Variants in MYCBP2 observed in about 807,000 individuals in gnomAD.
The protein encoded by MYCBP2 is MYC binding protein 2.
In MYCBP2, 120 loss-of-function variants were observed where a neutral mutation model predicts 525.3. The observed-to-expected ratio is 0.23, with a 90% CI of 0.20 to 0.27. MYCBP2 has a LOEUF of 0.27. Among genes scored for constraint, MYCBP2 ranks in the 10% least tolerant of loss-of-function variants. MYCBP2 has a pLI of 1.00. For missense variants in MYCBP2, 4,149 were observed against 5,657.1 expected, an observed-to-expected ratio of 0.73 and a Z score of 8.55; for synonymous variants, 1,894 against 1,955.8, an observed-to-expected ratio of 0.97 and a Z score of 0.83.
At chr13:77,264,030 A>G in intron 8 of MYCBP2, 28 bp from the exon 9 acceptor site, 1 of 1,585,346 alleles carries the variant, frequency 6.3e-7, no homozygotes. Context: ...TATTTATATT[A>G]CAATACAAGC....
At chr13:77,261,454 C>G (rs1196721669) in intron 11 of MYCBP2, 79 bp from the exon 12 acceptor site, 1 of 997,964 alleles carries the variant, frequency 1.0e-6, no homozygotes, top group African/African-American at 1.7e-5. Flanking sequence ...AAAAAAAGGA[C>G]ATCAATATTT....
intron 3 of MYCBP2, among the ~76,000 whole-genome samples, chr13:77,282,217 CCTAG>C (rs2076264849): frequency 6.6e-6 from 1 of 152,030 alleles, no homozygotes; most frequent in East Asian, 1.9e-4. Context: ...TGCAAACCAG[CCTAG>C]CCAACATGGT....
At chr13:77,283,873 C>T (rs976998005) in intron 3 of MYCBP2, among the ~76,000 whole-genome samples, 7 of 152,122 alleles carry the variant, frequency 4.6e-5, no homozygotes, top group Admixed American at 1.3e-4. Flanking sequence ...ACTCCAGCCC[C>T]AGTGACAGAG....
At chr13:77,268,639 C>T (rs995600904) in intron 7 of MYCBP2, among the ~76,000 whole-genome samples, 10 of 151,976 alleles carry the variant, frequency 6.6e-5, no homozygotes, top group African/African-American at 1.2e-4. Context: ...ATTAGCTGGA[C>T]GTGGTGGTGG....
In MYCBP2 at chr13:77,161,892, AT is replaced by A. The variant is rs753242183; in HGVS notation, c.6597+13del. The A allele has an allele frequency of 6.3e-7, 1 of 1,598,288 alleles. No individual in the cohort carries two copies. The highest frequency in any genetic ancestry group is 8.6e-7 in the Non-Finnish European group (1 of 1,169,180). On this transcript the variant is annotated intron_variant, in intron 44 of 82. Coordinates refer to ENST00000544440, the MANE Select transcript of MYCBP2 (RefSeq NM_015057.5). ...AATGTACAAAGTTTATCCTTAAAAC[AT>A]TTGGGACAATACCTGCAATGCAGCC...
At chr13:77,195,079 AAG>A (rs1335331812) in intron 26 of MYCBP2, among the ~76,000 whole-genome samples, 1 of 152,160 alleles carries the variant, frequency 6.6e-6, no homozygotes, top group Non-Finnish European at 1.5e-5. Flanking sequence ...GGTGAATTGC[AAG>A]AGAGGCAGAT....
chr13:77,211,699 A>G (rs1485725744), intron 22 of MYCBP2, among the ~76,000 whole-genome samples: 2 of 152,218 alleles, frequency 1.3e-5, no homozygotes, highest in African/African-American at 2.4e-5. Context: ...TATGGATTTT[A>G]TCCTACTAGA....
intron 17 of MYCBP2, among the ~76,000 whole-genome samples, chr13:77,238,703 T>C (rs2068348852): frequency 6.6e-6 from 1 of 152,230 alleles, no homozygotes; most frequent in Non-Finnish European, 1.5e-5. Context: ...GTTCCAAATG[T>C]ATGAAGAAGC....
intron 18 of MYCBP2, among the ~76,000 whole-genome samples, chr13:77,226,598 C>T (rs1220501300): frequency 6.6e-6 from 1 of 152,154 alleles, no homozygotes. Context: ...TGTGAATCTA[C>T]AGACACACAC....
intron 70 of MYCBP2, among the ~76,000 whole-genome samples, chr13:77,068,259 G>A (rs1246837129): frequency 1.3e-5 from 2 of 151,450 alleles, no homozygotes; most frequent in South Asian, 2.1e-4. Context: ...AAGGCAGCAC[G>A]AAAAAAAATA....
chr13:77,210,708 AATAATT>A (rs2063895529), intron 23 of MYCBP2, among the ~76,000 whole-genome samples: 1 of 152,206 alleles, frequency 6.6e-6, no homozygotes, highest in Non-Finnish European at 1.5e-5. Context: ...CATAGTTAAT[AATAATT>A]ATGAGAACAA....
chr13:77,321,272 T>G (rs940032988), intron 1 of MYCBP2, among the ~76,000 whole-genome samples: 2 of 152,214 alleles, frequency 1.3e-5, no homozygotes, highest in African/African-American at 4.8e-5. Flanking sequence ...TTCTCTTGAG[T>G]TAGGAAACTA....
rs1255548079 is a variant in MYCBP2 at position 77,288,374 on chromosome 13, A to G, written c.381T>C (p.Ser127=). The G allele has an allele frequency of 6.2e-7, 1 of 1,606,972 alleles. No homozygotes were observed. The highest frequency in any genetic ancestry group is 1.3e-5 in the African/African-American group (1 of 74,778). ...TGATTACTGTATTCTCTAAGTTTTC[A>G]GACTGAAATACAAAACAGAATATTT... ...SKSKVKTRSK[S]ENLENTVIIP... The change falls in exon 3 of 83, where the codon TCT becomes TCC. Residue 127 remains serine (S), a splice_region_variant and synonymous_variant. Transcript: ENST00000544440.
At chr13:77,185,746 T>C (rs539189567) in intron 31 of MYCBP2, 125 bp downstream of exon 31, 35 of 656,906 alleles carry the variant, frequency 5.3e-5, no homozygotes, top group Non-Finnish European at 7.4e-5. Context: ...GCTGACTTTC[T>C]CCCCTCATTT....
chr13:77,140,245 G>A, intron 50 of MYCBP2, 82 bp from the exon 51 acceptor site: 1 of 822,244 alleles, frequency 1.2e-6, no homozygotes, highest in Non-Finnish European at 1.9e-6. Flanking sequence ...AAATTAAGCA[G>A]GTTTGAAAGT....
chr13:77,142,891 C>G (rs2054908312), intron 49 of MYCBP2, among the ~76,000 whole-genome samples: 1 of 152,112 alleles, frequency 6.6e-6, no homozygotes, highest in African/African-American at 2.4e-5. Flanking sequence ...ACAACTATTC[C>G]AAAATCAGAA....
chr13:77,208,737 G>T (rs1008438219), intron 23 of MYCBP2, among the ~76,000 whole-genome samples: 1 of 152,130 alleles, frequency 6.6e-6, no homozygotes, highest in Non-Finnish European at 1.5e-5. Context: ...TATGGGAAAA[G>T]AAACAGATAC....
Position 77,326,002 on chromosome 13 carries a change from G to C in MYCBP2, c.302+472C>G, listed in dbSNP as rs1461407726. Among the ~76,000 whole-genome samples the C allele has an allele frequency of 6.6e-6, 1 of 152,124 alleles. No individual in the cohort carries two copies. The highest frequency in any genetic ancestry group is 6.5e-5 in the Admixed American group (1 of 15,276). ...GATTGAAGGGAGGTGGAAAGGGCTG[G>C]AAGGAATGTCATGGGAGAGGCGGCA... On this transcript the variant is annotated intron_variant, in intron 1 of 82. Transcript: ENST00000544440. This position sits in a 1 kb window ranked among gnomAD's most constrained non-coding sequence, Gnocchi z 4.2.
At chr13:77,086,310 T>A (rs1204526741) in intron 62 of MYCBP2, among the ~76,000 whole-genome samples, 1 of 152,090 alleles carries the variant, frequency 6.6e-6, no homozygotes, top group Non-Finnish European at 1.5e-5. Context: ...CTACCAAAAA[T>A]TAAGCAATTA....
Sources: allele counts gnomAD v4.1 joint callset (sites outside exome capture counted in the v4.1 genomes callset), GRCh38; gene constraint gnomAD v4.1.1; non-coding constraint Gnocchi (gnomAD v3.1); transcripts MANE v1.5; gene names NCBI Gene and HGNC (gene_info 2026-07-23, HGNC 2026-07-21).